Variants in CRISP1 observed in about 807,000 individuals in gnomAD.
CRISP1 encodes cysteine rich secretory protein 1, also known as cysteine-rich secretory protein 1.
Under a neutral mutation model 33.1 loss-of-function variants are expected in CRISP1, and 44 were observed. The observed-to-expected ratio is 1.33, with a 90% CI of 1.05 to 1.71. The LOEUF (loss-of-function observed/expected upper bound fraction) is 1.71, where lower values mean the gene tolerates loss of function less well. Ranked by LOEUF, CRISP1 falls within the 40% of genes most tolerant of loss-of-function variation. CRISP1 has a pLI of 0.00. For synonymous variants in CRISP1, 103 were observed against 98.7 expected (o/e 1.04, Z -0.26); for missense variants, 390 against 301.2 (o/e 1.29, Z -2.18).
chr6:49,855,242 G>A (rs969576468), intron 2 of CRISP1, among the ~76,000 whole-genome samples: 5 of 151,922 alleles, frequency 3.3e-5, no homozygotes, highest in Admixed American at 6.6e-5. Context: ...CTCCCACTCC[G>A]TGATCCATTC....
chr6:49,852,679 C>T (rs1393704254), intron 2 of CRISP1, among the ~76,000 whole-genome samples: 1 of 152,156 alleles, frequency 6.6e-6, no homozygotes, highest in Non-Finnish European at 1.5e-5. Flanking sequence ...CATCAATGCT[C>T]TCAAGTGTAT....
chr6:49,869,794 C>T (rs902569600), upstream of CRISP1, among the ~76,000 whole-genome samples: 4 of 152,102 alleles, frequency 2.6e-5, no homozygotes, highest in African/African-American at 9.7e-5. Flanking sequence ...AACCTAATAC[C>T]TAATGTGATT....
chr6:49,864,408 G>A (rs981347381), intron 1 of CRISP1, among the ~76,000 whole-genome samples: 8 of 151,738 alleles, frequency 5.3e-5, no homozygotes, highest in Middle Eastern at 3.4e-3. Flanking sequence ...GTGTGTGTGT[G>A]TGTGTGTGTG....
rs538850689 is a variant in CRISP1, at chr6:49,835,110, G to T, written c.*206C>A. ...AATCACATGATTTAAATTTAAGGCA[G>T]GTGTTGGACTTGACCTTTTACTCCA... On this transcript the variant is annotated 3_prime_UTR_variant, in exon 8 of 8. Transcript: ENST00000335847. 4.6e-6 allele frequency: 2 copies of T among 438,418 alleles called. No individual in the cohort carries two copies. The highest frequency in any genetic ancestry group is 4.0e-5 in the Admixed American group (1 of 24,934). 27.2% of individuals were successfully genotyped at this position (438,418 alleles called of 1,614,324 possible).
At chr6:49,851,930 G>A (rs937490216) in intron 3 of CRISP1, 71 bp downstream of exon 3, 2 of 1,512,850 alleles carry the variant, frequency 1.3e-6, no homozygotes, top group Non-Finnish European at 1.8e-6. Context: ...AAAGTGCATA[G>A]AACTTAATAA....
chr6:49,845,292 C>T (rs139959039), intron 5 of CRISP1, among the ~76,000 whole-genome samples: 86 of 152,210 alleles, frequency 5.7e-4, no homozygotes. Context: ...CTCTCTGGCT[C>T]CTCTTTTGCA....
intron 7 of CRISP1, among the ~76,000 whole-genome samples, chr6:49,836,345 T>A (rs78863783): frequency 1.3e-3 from 180 of 136,546 alleles, no homozygotes; most frequent in Admixed American, 3.0e-3. Context: ...ATTTTATTTT[T>A]TTTTTTTTGA....
At chr6:49,853,744 C>T in intron 2 of CRISP1, among the ~76,000 whole-genome samples, 1 of 152,064 alleles carries the variant, frequency 6.6e-6, no homozygotes, top group East Asian at 1.9e-4. Context: ...TATCTGTGTT[C>T]TCTACTTTCA....
At chr6:49,845,095 G>A (rs531301824) in intron 5 of CRISP1, among the ~76,000 whole-genome samples, 32 of 152,132 alleles carry the variant, frequency 2.1e-4, no homozygotes, top group Admixed American at 4.6e-4. Context: ...CCCAAAATTC[G>A]TATTCTGTAC....
intron 1 of CRISP1, among the ~76,000 whole-genome samples, chr6:49,863,205 T>C (rs1486539027): frequency 6.6e-6 from 1 of 152,148 alleles, no homozygotes; most frequent in East Asian, 1.9e-4. Context: ...GGTGAAAATA[T>C]AAATGGGCCC....
At chr6:49,848,330 T>G (rs1458688017) in intron 3 of CRISP1, 31 bp from the exon 4 acceptor site, 1 of 1,283,998 alleles carries the variant, frequency 7.8e-7, no homozygotes, top group Non-Finnish European at 1.1e-6. Context: ...AAGCACATGT[T>G]CCAATTAATA....
chr6:49,836,173 T>C (rs982478032), intron 7 of CRISP1, among the ~76,000 whole-genome samples: 1 of 152,258 alleles, frequency 6.6e-6, no homozygotes, highest in African/African-American at 2.4e-5. Context: ...ATAATTTAAT[T>C]CCCTCTCTCT....
chr6:49,866,310 T>C (rs913814012), intron 1 of CRISP1, 119 bp downstream of exon 1: 4 of 152,156 alleles, frequency 2.6e-5, no homozygotes, highest in African/African-American at 7.2e-5. Flanking sequence ...TAGATAACAA[T>C]AGCATTAGAA....
At chr6:49,871,489 T>C (rs115911801), upstream of CRISP1, among the ~76,000 whole-genome samples, 399 of 151,992 alleles carry the variant, frequency 2.6e-3, 2 homozygotes, top group African/African-American at 9.2e-3. Flanking sequence ...TAGAAATACA[T>C]TAGAAATCTG....
chr6:49,845,828 A>G (rs1206640124), intron 5 of CRISP1, among the ~76,000 whole-genome samples: 2 of 152,204 alleles, frequency 1.3e-5, no homozygotes, highest in South Asian at 2.1e-4. Context: ...CACATGCTAC[A>G]ACATGGATGA....
chr6:49,847,480 C>T (rs1256690749), intron 4 of CRISP1, among the ~76,000 whole-genome samples: 1 of 152,046 alleles, frequency 6.6e-6, no homozygotes, highest in Admixed American at 6.6e-5. Flanking sequence ...TCTCTTGCTC[C>T]CTCTCTCACC....
chr6:49,854,139 C>T (rs943614516), intron 2 of CRISP1, among the ~76,000 whole-genome samples: 11 of 152,244 alleles, frequency 7.2e-5, no homozygotes, highest in Middle Eastern at 3.4e-3. Flanking sequence ...CTGTCTCACC[C>T]AGTCTGTCAA....
intron 5 of CRISP1, among the ~76,000 whole-genome samples, chr6:49,843,086 T>C (rs1771045844): frequency 6.6e-6 from 1 of 152,178 alleles, no homozygotes; most frequent in Non-Finnish European, 1.5e-5. Context: ...GATGAGATAA[T>C]GCTTTTGTGA....
chr6:49,844,105 C>T (rs527967115), intron 5 of CRISP1, among the ~76,000 whole-genome samples: 1 of 152,242 alleles, frequency 6.6e-6, no homozygotes, highest in Non-Finnish European at 1.5e-5. Flanking sequence ...TGAAGATTTA[C>T]ACAATCATTA....
Sources: allele counts gnomAD v4.1 joint callset (sites outside exome capture counted in the v4.1 genomes callset), GRCh38; gene constraint gnomAD v4.1.1; transcripts MANE v1.5; gene names NCBI Gene and HGNC (gene_info 2026-07-23, HGNC 2026-07-21).